SYNE1: variants seen among roughly 807,000 people sequenced by gnomAD.
SYNE1 encodes the protein spectrin repeat containing nuclear envelope protein 1.
SYNE1 carries 616 observed loss-of-function variants against 1,111.0 expected under a neutral mutation model. The observed-to-expected ratio is 0.55, with a 90% CI of 0.52 to 0.59. The LOEUF (loss-of-function observed/expected upper bound fraction) is 0.59, where lower values mean the gene tolerates loss of function less well. SYNE1 is among the 20% of genes least tolerant of loss of function. SYNE1 has a pLI of 0.00. For missense variants in SYNE1, 10,006 were observed against 10,417.0 expected, an observed-to-expected ratio of 0.96 and a Z score of 1.72; for synonymous variants, 3,855 against 3,825.8, an observed-to-expected ratio of 1.01 and a Z score of -0.28.
chr6:152,151,675 G>T lies in SYNE1; in HGVS notation c.24328C>A (p.Arg8110Ser). Residue 8110 changes from arginine to serine, a missense_variant, in exon 135 of 146, where the codon CGT becomes AGT. Around this residue, in one of 7 missense-constraint regions of SYNE1, gnomAD observed 34 missense variants for 68.3 expected, o/e 0.50. Coordinates refer to ENST00000367255, the MANE Select transcript of SYNE1 (RefSeq NM_182961.4). ...TCCCGCGCAGTCTCAAACTCCTCAC[G>T]CTGGCCAATAAAATGCTGGAAGGCA... The part of the protein sequence containing the change: ...LRRLKHFIGQ[R>S]EEFETARDSI... 1.9e-6 allele frequency: 3 copies of T among 1,613,978 alleles called. No homozygotes were observed. The highest frequency in any genetic ancestry group is 2.5e-6 in the Non-Finnish European group (3 of 1,179,972).
At chr6:152,294,563 T>C (rs1042945765) in intron 93 of SYNE1, among the ~76,000 whole-genome samples, 2 of 152,154 alleles carry the variant, frequency 1.3e-5, no homozygotes, top group African/African-American at 2.4e-5. Context: ...TAAAATTAAA[T>C]CTACAGATGC....
At chr6:152,206,099 T>C (rs2076453877) in intron 126 of SYNE1, 69 bp downstream of exon 126, 2 of 1,415,414 alleles carry the variant, frequency 1.4e-6, no homozygotes, top group Non-Finnish European at 2.0e-6. Flanking sequence ...ATTTGTAGAA[T>C]AACAATGGGA....
intron 98 of SYNE1, among the ~76,000 whole-genome samples, chr6:152,270,300 T>C (rs899746278): frequency 6.6e-6 from 1 of 152,188 alleles, no homozygotes; most frequent in Non-Finnish European, 1.5e-5. Context: ...TGGGCACGTG[T>C]GGTTACCATT....
chr6:152,467,622 A>T (rs2098778779), intron 16 of SYNE1, among the ~76,000 whole-genome samples: 1 of 152,152 alleles, frequency 6.6e-6, no homozygotes, highest in Non-Finnish European at 1.5e-5. Context: ...CAAAATAATT[A>T]AAAATGAACA....
rs11387272 is a variant in SYNE1 at position 152,606,976 on chromosome 6, C to CTTTTTTTTT, written c.67+21288_67+21289insAAAAAAAAA. Among the ~76,000 whole-genome samples, 10 of 109,102 alleles carry CTTTTTTTTT rather than the reference C, an allele frequency of 9.2e-5. 1 individual carries two copies. The highest frequency in any genetic ancestry group is 3.7e-4 in the African/African-American group (10 of 26,772). The allele number at this position is 109,102 out of a possible 152,430, so 71.6% of individuals were successfully genotyped here. On this transcript the variant is annotated intron_variant, in intron 3 of 145. Transcript: ENST00000367255. ...GCAAAAGGAAAGGCATGCCTCGGTT[C>CTTTTTTTTT]TCTTTTTTTTTTTTTTTTTTTTTTT...
chr6:152,143,211 T>C (rs1342539011), intron 138 of SYNE1, among the ~76,000 whole-genome samples: 1 of 152,154 alleles, frequency 6.6e-6, no homozygotes, highest in African/African-American at 2.4e-5. Context: ...GGTCATTCGG[T>C]GAACCCAGGA....
chr6:152,579,534 T>C (rs1264120654), intron 3 of SYNE1, among the ~76,000 whole-genome samples: 20 of 152,192 alleles, frequency 1.3e-4, no homozygotes, highest in Admixed American at 1.3e-3. Flanking sequence ...ACTTTTATTT[T>C]AGGTTCAGGG....
rs1341208744 is a variant in SYNE1, at chr6:152,156,106, GA to G, written c.23791-10del. On this transcript the variant is annotated splice_polypyrimidine_tract_variant and intron_variant, in intron 131 of 145. Transcript: ENST00000367255. ...ATGTCTCTCTGAAGCTCCTGCAGGGGAACGTAACAGGCTTTATTCAACAATT... is the reference window on the plus strand; with the variant it reads ...ATGTCTCTCTGAAGCTCCTGCAGGGGACGTAACAGGCTTTATTCAACAATT... 2.5e-6 allele frequency: 4 copies of G among 1,613,970 alleles called. No individual in the cohort carries two copies. In the South Asian group the frequency reaches 4.4e-5, roughly 18 times the overall value.
At chr6:152,483,023 G>T in intron 14 of SYNE1, 62 bp downstream of exon 14, 1 of 1,596,012 alleles carries the variant, frequency 6.3e-7, no homozygotes, top group African/African-American at 1.3e-5. Context: ...TTGTAACTAG[G>T]CTACCTCTCC....
At chr6:152,155,798 T>A in intron 132 of SYNE1, 112 bp downstream of exon 132, 1 of 1,311,532 alleles carries the variant, frequency 7.6e-7, no homozygotes, top group Non-Finnish European at 1.1e-6. Context: ...AAGCCACAGC[T>A]ATTTTTGGAC....
At chr6:152,486,183 G>A (rs2154297948) in intron 12 of SYNE1, among the ~76,000 whole-genome samples, 1 of 151,104 alleles carries the variant, frequency 6.6e-6, no homozygotes, top group East Asian at 2.0e-4. Context: ...CTTGGCGACA[G>A]AGTGACACTC....
At chr6:152,323,862 G>C in intron 81 of SYNE1, 125 bp from the exon 82 acceptor site, 1 of 1,156,754 alleles carries the variant, frequency 8.6e-7, no homozygotes, top group Admixed American at 2.1e-5. Flanking sequence ...AATTCCACAT[G>C]TTAGGAAACT....
At chr6:152,326,694 G>T in intron 78 of SYNE1, 61 bp from the exon 79 acceptor site, 1 of 1,505,944 alleles carries the variant, frequency 6.6e-7, no homozygotes, top group Non-Finnish European at 9.1e-7. Context: ...GCAGGAAAGA[G>T]TTTTATTCAC....
chr6:152,522,668 A>C (rs752906135), intron 5 of SYNE1, among the ~76,000 whole-genome samples: 6 of 152,130 alleles, frequency 3.9e-5, no homozygotes, highest in Non-Finnish European at 8.8e-5. Flanking sequence ...TTACATTCCC[A>C]CCAGCAGTGT....
intron 47 of SYNE1, 91 bp from the exon 48 acceptor site, chr6:152,399,914 T>C: frequency 7.2e-7 from 1 of 1,380,492 alleles, no homozygotes; most frequent in South Asian, 1.2e-5. Context: ...CAATCTGAAA[T>C]TGACATTGTT....
At position 152,636,004 on chromosome 6, in the gene SYNE1, C is replaced by T. The variant is rs1018515853; in HGVS notation, c.-224+634G>A. ...GCCTGCCCGTTGGGATGCACCTGGC[C>T]GCCTGTGCACCACCATTTCCCAGAA... On this transcript the variant is annotated intron_variant, in intron 2 of 145. Coordinates refer to ENST00000367255, the MANE Select transcript of SYNE1 (RefSeq NM_182961.4). Among the ~76,000 whole-genome samples the T allele has an allele frequency of 1.2e-4, 18 of 152,198 alleles. 2 individuals carry two copies. Among genetic ancestry groups the T allele is most frequent in the Admixed American group, 9.8e-4 (15 of 15,284 alleles).
chr6:152,611,271 C>T (rs1260687295), intron 3 of SYNE1, among the ~76,000 whole-genome samples: 1 of 152,034 alleles, frequency 6.6e-6, no homozygotes, highest in Non-Finnish European at 1.5e-5. Flanking sequence ...CAGAGACACA[C>T]ATAGGCTCAA....
intron 3 of SYNE1, among the ~76,000 whole-genome samples, chr6:152,604,944 C>CAAAGAAAGAAGGAAAG (rs2099607551): frequency 1.5e-5 from 1 of 65,864 alleles, no homozygotes; most frequent in African/African-American, 5.6e-5. Flanking sequence ...CCCTATCTCA[C>CAAAGAAAGAAGGAAAG]AAAGAAAGAA....
intron 106 of SYNE1, among the ~76,000 whole-genome samples, 188 bp from the exon 107 acceptor site, chr6:152,242,628 T>C (rs958289506): frequency 1.3e-5 from 2 of 152,144 alleles, no homozygotes; most frequent in Non-Finnish European, 2.9e-5. Context: ...TGAAAACATG[T>C]TTCACAAAGA....
Sources: allele counts gnomAD v4.1 joint callset (sites outside exome capture counted in the v4.1 genomes callset), GRCh38; gene constraint gnomAD v4.1.1; regional missense constraint gnomAD v4.1.1; transcripts MANE v1.5; gene names NCBI Gene and HGNC (gene_info 2026-07-23, HGNC 2026-07-21).